Variants in PTGFRN observed in about 807,000 individuals in gnomAD.
The protein encoded by PTGFRN is prostaglandin F2 receptor negative regulator.
PTGFRN carries 35 observed loss-of-function variants against 83.2 expected under a neutral mutation model. The observed-to-expected ratio is 0.42, with a 90% CI of 0.32 to 0.56. PTGFRN has a LOEUF of 0.56. Ranked by LOEUF, PTGFRN falls within the 20% of genes least tolerant of loss-of-function variation. PTGFRN has a pLI of 0.11. For synonymous variants in PTGFRN, 519 were observed against 498.6 expected (o/e 1.04, Z -0.55); for missense variants, 1,051 against 1,179.5 (o/e 0.89, Z 1.60).
Position 116,986,996 on chromosome 1 carries a change from A to G in PTGFRN, c.*29A>G. ...GGCCCGGGAGGGGAGTGACAGAGGGACGTTCTAGGAGCAATTGGGGCAAGA... is the reference window on the plus strand; with the variant it reads ...GGCCCGGGAGGGGAGTGACAGAGGGGCGTTCTAGGAGCAATTGGGGCAAGA... On this transcript the variant is annotated 3_prime_UTR_variant, in exon 9 of 9. Transcript: ENST00000393203. 6.2e-7 allele frequency: 1 copy of G among 1,613,278 alleles called. No homozygotes were observed.
intron 4 of PTGFRN, among the ~76,000 whole-genome samples, chr1:116,953,419 G>C (rs1650396938): frequency 6.6e-6 from 1 of 152,198 alleles, no homozygotes; most frequent in African/African-American, 2.4e-5. Context: ...CCAAGTGTTG[G>C]AGTCAGGAGA....
At position 116,910,996 on chromosome 1, in the gene PTGFRN, C is replaced by A. The variant is rs559301085; in HGVS notation, c.49+744C>A. 1.6e-4 allele frequency among the ~76,000 whole-genome samples: 25 copies of A among 152,274 alleles called. No individual in the cohort carries two copies. In the South Asian group the frequency reaches 4.4e-3, roughly 27 times the overall value. Reference sequence around the variant, plus strand: ...TTCCACCCTCCGGAAACCCTGGGTGCCCCGTGAGGTTTTGGCCCAGCGCCC... The same window carrying A: ...TTCCACCCTCCGGAAACCCTGGGTGACCCGTGAGGTTTTGGCCCAGCGCCC... On this transcript the variant is annotated intron_variant, in intron 1 of 8. Transcript: ENST00000393203.
At position 116,941,801 on chromosome 1, in the gene PTGFRN, A is replaced by G. The variant is rs1410661544; in HGVS notation, c.136A>G (p.Ser46Gly). ...TGAGCTGGTCATCCCCTGCAACGTCAGTGACTATGATGGCCCCAGCGAGCA... is the reference window on the plus strand; with the variant it reads ...TGAGCTGGTCATCCCCTGCAACGTCGGTGACTATGATGGCCCCAGCGAGCA... ...GTELVIPCNV[S>G]DYDGPSEQNF... Residue 46 changes from serine (S) to glycine (G), a missense_variant, in exon 2 of 9, where the codon AGT (serine) becomes GGT (glycine). Physicochemically the swap from Ser to Gly is moderately conservative, Grantham distance 56. Transcript: ENST00000393203. This position sits in a 1 kb window ranked among gnomAD's most constrained non-coding sequence, Gnocchi z 5.0. 6.2e-7 allele frequency: 1 copy of G among 1,614,172 alleles called. No homozygotes were observed. The highest frequency in any genetic ancestry group is 1.7e-5 in the Admixed American group (1 of 60,024).
chr1:116,967,407 T>TA lies in PTGFRN; in HGVS notation c.2059+81dup, dbSNP rs1650872904. 3 of 1,415,192 alleles carry TA rather than the reference T, an allele frequency of 2.1e-6. No individual in the cohort carries two copies. The Admixed American group carries it at 6.7e-5, about 32-fold the overall frequency. The allele number at this position is 1,415,192 out of a possible 1,614,324, so 87.7% of individuals were successfully genotyped here. ...GTTTTGATCAGATGCCCTCATTTTT[T>TA]AAAACAGCTTTGTTAAGATGCAATT... On this transcript the variant is annotated intron_variant, in intron 6 of 8. Transcript: ENST00000393203.
At chr1:116,943,091 A>G (rs1471484242) in intron 2 of PTGFRN, among the ~76,000 whole-genome samples, 1 of 152,194 alleles carries the variant, frequency 6.6e-6, no homozygotes, top group Non-Finnish European at 1.5e-5. Flanking sequence ...TAATTATCAG[A>G]AAGTAGAAAA....
chr1:116,916,111 T>G (rs776648581), intron 1 of PTGFRN, among the ~76,000 whole-genome samples: 1 of 152,194 alleles, frequency 6.6e-6, no homozygotes, highest in Non-Finnish European at 1.5e-5. Flanking sequence ...TGAAGGCTGA[T>G]TTCTCCACAA....
intron 3 of PTGFRN, among the ~76,000 whole-genome samples, chr1:116,947,079 A>C (rs1038591700): frequency 3.9e-5 from 6 of 152,196 alleles, no homozygotes; most frequent in African/African-American, 1.4e-4. Context: ...TTCCCATCCA[A>C]GTTCACAGAC....
intron 2 of PTGFRN, among the ~76,000 whole-genome samples, chr1:116,942,875 A>G (rs1650095374): frequency 6.6e-6 from 1 of 152,214 alleles, no homozygotes; most frequent in Non-Finnish European, 1.5e-5. Flanking sequence ...ATATTTCCCT[A>G]ATTTATACAT....
At chr1:116,971,741 G>A (rs1651001465) in intron 6 of PTGFRN, among the ~76,000 whole-genome samples, 1 of 152,170 alleles carries the variant, frequency 6.6e-6, no homozygotes, top group South Asian at 2.1e-4. Flanking sequence ...CGTCCAGTAG[G>A]GGAAGTGAGA....
chr1:116,922,675 T>G (rs1239290111), intron 1 of PTGFRN, among the ~76,000 whole-genome samples: 1 of 152,192 alleles, frequency 6.6e-6, no homozygotes, highest in Admixed American at 6.5e-5. Flanking sequence ...CAGCAGGATG[T>G]GACTTTGGGT....
chr1:116,925,577 A>T (rs1224109284), intron 1 of PTGFRN, among the ~76,000 whole-genome samples: 5 of 152,168 alleles, frequency 3.3e-5, no homozygotes, highest in Admixed American at 3.3e-4. Context: ...CCTGAGTGTA[A>T]AGAGCCTGTG....
intron 8 of PTGFRN, among the ~76,000 whole-genome samples, chr1:116,986,399 C>T (rs1372239348): frequency 6.6e-6 from 1 of 152,086 alleles, no homozygotes; most frequent in Non-Finnish European, 1.5e-5. Context: ...AAAATAGCTC[C>T]CTTAGTACAC....
At chr1:116,925,151 G>A (rs1041151864) in intron 1 of PTGFRN, among the ~76,000 whole-genome samples, 2 of 151,848 alleles carry the variant, frequency 1.3e-5, no homozygotes, top group African/African-American at 4.9e-5. Context: ...TAAACCAGCT[G>A]TCGCAGTGGC....
intron 1 of PTGFRN, among the ~76,000 whole-genome samples, chr1:116,929,694 A>G (rs553756645): frequency 2.0e-4 from 30 of 152,210 alleles, no homozygotes; most frequent in African/African-American, 7.0e-4. Context: ...TCATATTTTA[A>G]CTGAATAGCA....
chr1:116,934,672 C>G (rs1005023833), intron 1 of PTGFRN, among the ~76,000 whole-genome samples: 28 of 145,510 alleles, frequency 1.9e-4, no homozygotes, highest in Non-Finnish European at 8.9e-5. Context: ...AGGTCTGTTT[C>G]TATTGTCTTA....
intron 6 of PTGFRN, among the ~76,000 whole-genome samples, chr1:116,970,446 G>T (rs540428604): frequency 1.3e-5 from 2 of 152,126 alleles, no homozygotes; most frequent in East Asian, 3.9e-4. Flanking sequence ...CTGTCTGTAG[G>T]AATCTGTTCC....
chr1:116,973,553 C>T (rs889501018), intron 6 of PTGFRN, among the ~76,000 whole-genome samples: 19 of 146,542 alleles, frequency 1.3e-4, no homozygotes, highest in Non-Finnish European at 6.0e-5. Flanking sequence ...TGCAGTGAGC[C>T]GAGATCACAC....
At chr1:116,984,065 C>T (rs565534338) in intron 7 of PTGFRN, among the ~76,000 whole-genome samples, 1 of 152,306 alleles carries the variant, frequency 6.6e-6, no homozygotes, top group East Asian at 1.9e-4. Context: ...AAACTGTGTT[C>T]CATTTTCTCA....
intron 1 of PTGFRN, among the ~76,000 whole-genome samples, chr1:116,925,262 C>G (rs1042952167): frequency 1.3e-5 from 2 of 151,728 alleles, no homozygotes; most frequent in Non-Finnish European, 2.9e-5. Context: ...ACCCTGTCTT[C>G]GTTAAAAATA....
Sources: allele counts gnomAD v4.1 joint callset (sites outside exome capture counted in the v4.1 genomes callset), GRCh38; gene constraint gnomAD v4.1.1; non-coding constraint Gnocchi (gnomAD v3.1); transcripts MANE v1.5; gene names NCBI Gene and HGNC (gene_info 2026-07-23, HGNC 2026-07-21).